Variants in MYO16 observed in about 807,000 individuals in gnomAD.
MYO16 encodes the protein unconventional myosin-XVI.
In MYO16, 94 loss-of-function variants were observed where a neutral mutation model predicts 205.3. That is an observed-to-expected ratio of 0.46 (90% confidence interval 0.39 to 0.54). The LOEUF (loss-of-function observed/expected upper bound fraction) is 0.54. Ranked by LOEUF, MYO16 falls within the 20% of genes least tolerant of loss-of-function variation. The pLI is 0.00. For missense variants in MYO16, 2,315 were observed against 2,387.5 expected (o/e 0.97, Z 0.63); for synonymous variants, 988 against 954.0 (o/e 1.04, Z -0.66).
rs575270791 is a variant in MYO16, at chr13:109,144,488, A to G, written c.5164+3112A>G. ...CAGCACTGGGGCTGGTTATATGACTATTAAAGTTTACACAGTTTGATCCTG... is the reference window on the plus strand; with the variant it reads ...CAGCACTGGGGCTGGTTATATGACTGTTAAAGTTTACACAGTTTGATCCTG... On this transcript the variant is annotated intron_variant, in intron 32 of 34. Transcript: ENST00000457511. Among the ~76,000 whole-genome samples, 293 of 152,234 alleles carry G rather than the reference A, an allele frequency of 1.9e-3. 1 individual carries two copies. Among genetic ancestry groups the G allele is most frequent in the Non-Finnish European group, 3.3e-3 (227 of 68,036 alleles).
chr13:108,907,189 TCCA>T (rs1337157213), intron 15 of MYO16, among the ~76,000 whole-genome samples: 1 of 152,164 alleles, frequency 6.6e-6, no homozygotes, highest in Non-Finnish European at 1.5e-5. Flanking sequence ...AAAGTTTATT[TCCA>T]CCACTTTTTT....
chr13:109,120,465 A>G lies in MYO16; in HGVS notation c.3534A>G (p.Lys1178=), dbSNP rs1418104581. Residue 1178 remains lysine, a splice_region_variant and synonymous_variant, in exon 29 of 35, where the codon AAA becomes AAG. Transcript: ENST00000457511. ...QLQRKIITCQ[K]VIRGFLARQH... ...AGAGAAAAATTATAACCTGCCAAAA[A>G]GGTAACATTTATATGCCAACATTTC... 1 of 1,605,418 alleles carries G rather than the reference A, an allele frequency of 6.2e-7. No homozygotes were observed. Among genetic ancestry groups the G allele is most frequent in the African/African-American group, 1.3e-5 (1 of 74,814 alleles).
intron 1 of MYO16, among the ~76,000 whole-genome samples, chr13:108,636,002 T>G (rs1167119589): frequency 6.6e-6 from 1 of 152,222 alleles, no homozygotes; most frequent in Admixed American, 6.5e-5. Context: ...TTTTAATTCA[T>G]GTGGAATTAA....
intron 32 of MYO16, among the ~76,000 whole-genome samples, chr13:109,145,918 C>G (rs1270358878): frequency 1.3e-5 from 2 of 152,122 alleles, no homozygotes; most frequent in African/African-American, 4.8e-5. Context: ...GACAGCCAGG[C>G]CGAATTAACG....
the MYO16 span, among the ~76,000 whole-genome samples, chr13:108,535,148 G>T: frequency 3.5e-5 from 5 of 144,858 alleles, no homozygotes; most frequent in South Asian, 2.2e-4. Context: ...GTTCTTTCTT[G>T]CTCTTCTCTT....
intron 2 of MYO16, among the ~76,000 whole-genome samples, chr13:108,678,342 A>G (rs9583276): frequency 0.14 from 21,341 of 152,206 alleles, 1,910 homozygotes; most frequent in Non-Finnish European, 0.2. Flanking sequence ...TTCATGATCC[A>G]CAGAACAGAA....
At chr13:108,863,805 AG>A (rs1366604409) in intron 11 of MYO16, among the ~76,000 whole-genome samples, 5 of 152,154 alleles carry the variant, frequency 3.3e-5, no homozygotes, top group Non-Finnish European at 5.9e-5. Flanking sequence ...GTGAAGCCTA[AG>A]TTTTCTTTGT....
intron 16 of MYO16, among the ~76,000 whole-genome samples, chr13:108,938,546 T>C (rs1882587455): frequency 6.6e-6 from 1 of 152,194 alleles, no homozygotes; most frequent in South Asian, 2.1e-4. Context: ...AGCCCCCAAG[T>C]TCTCTGCAGA....
At chr13:108,566,775 AAG>A in the MYO16 span, among the ~76,000 whole-genome samples, 1 of 151,222 alleles carries the variant, frequency 6.6e-6, no homozygotes, top group African/African-American at 2.4e-5. Context: ...GGAAGGAAGG[AAG>A]GAAGGAAGGA....
chr13:108,541,421 A>G, the MYO16 span, among the ~76,000 whole-genome samples: 1 of 151,410 alleles, frequency 6.6e-6, no homozygotes, highest in Admixed American at 6.6e-5. Context: ...ATATTAAAAT[A>G]AAACATGTAT....
intron 2 of MYO16, among the ~76,000 whole-genome samples, chr13:108,673,719 C>G (rs1882087628): frequency 6.6e-6 from 1 of 152,110 alleles, no homozygotes; most frequent in South Asian, 2.1e-4. Context: ...CTGCATCGAC[C>G]TCACCCACTC....
At chr13:108,666,353 T>TA (rs972242151) in intron 2 of MYO16, among the ~76,000 whole-genome samples, 14 of 151,760 alleles carry the variant, frequency 9.2e-5, no homozygotes, top group Non-Finnish European at 1.8e-4. Flanking sequence ...CCTAGTAAGA[T>TA]AAAAAAATGT....
chr13:108,937,348 T>G (rs1317313820), intron 16 of MYO16, among the ~76,000 whole-genome samples: 2 of 152,146 alleles, frequency 1.3e-5, no homozygotes, highest in Admixed American at 1.3e-4. Flanking sequence ...TACCTCGGTG[T>G]TGTTCATTTT....
At chr13:109,104,873 C>G (rs940537201) in intron 28 of MYO16, among the ~76,000 whole-genome samples, 2 of 152,166 alleles carry the variant, frequency 1.3e-5, no homozygotes, top group Non-Finnish European at 2.9e-5. Context: ...TCACTATCCT[C>G]GACCTTCGTA....
chr13:109,111,118 T>C (rs567225566), intron 28 of MYO16, among the ~76,000 whole-genome samples: 1 of 152,270 alleles, frequency 6.6e-6, no homozygotes, highest in Admixed American at 6.5e-5. Flanking sequence ...GAAAATGATA[T>C]TGATCCAGGA....
chr13:108,717,115 A>G (rs1465097464), intron 3 of MYO16, among the ~76,000 whole-genome samples: 1 of 152,166 alleles, frequency 6.6e-6, no homozygotes, highest in Non-Finnish European at 1.5e-5. Flanking sequence ...AAACAGTATT[A>G]CATACGTTTT....
At chr13:108,779,564 A>C (rs1886232935) in intron 4 of MYO16, 1 of 152,370 alleles carries the variant, frequency 6.6e-6, no homozygotes, top group African/African-American at 2.4e-5. Flanking sequence ...GAGGTGGCTC[A>C]GGCCTAGGCT....
intron 9 of MYO16, among the ~76,000 whole-genome samples, chr13:108,836,415 A>G (rs887849348): frequency 6.6e-6 from 1 of 152,220 alleles, no homozygotes; most frequent in Non-Finnish European, 1.5e-5. Context: ...CTGCTAGGGC[A>G]GTGTGGAAGG....
chr13:108,818,287 G>A (rs1201177896), intron 7 of MYO16, among the ~76,000 whole-genome samples: 1 of 151,890 alleles, frequency 6.6e-6, no homozygotes, highest in African/African-American at 2.4e-5. Context: ...TGGAGGCTGA[G>A]ACATGAGAAT....
Sources: allele counts gnomAD v4.1 joint callset (sites outside exome capture counted in the v4.1 genomes callset), GRCh38; gene constraint gnomAD v4.1.1; transcripts MANE v1.5; gene names NCBI Gene and HGNC (gene_info 2026-07-23, HGNC 2026-07-21).